The following PTPRN2 variants were observed in gnomAD, a reference collection of about 807,000 sequenced individuals.
The protein encoded by PTPRN2 is protein tyrosine phosphatase receptor type N2.
Under a neutral mutation model 118.8 loss-of-function variants are expected in PTPRN2, and 74 were observed. That is an observed-to-expected ratio of 0.62 (90% CI 0.52 to 0.76). PTPRN2 has a LOEUF of 0.76. Among genes scored for constraint, PTPRN2 ranks in the 30% least tolerant of loss-of-function variants. The pLI is 0.00. For missense variants in PTPRN2, 1,481 were observed against 1,394.4 expected, an observed-to-expected ratio of 1.06 and a Z score of -0.99; for synonymous variants, 641 against 608.0, an observed-to-expected ratio of 1.05 and a Z score of -0.80.
chr7:157,662,914 C>T (rs373243344), intron 13 of PTPRN2, among the ~76,000 whole-genome samples: 15 of 152,234 alleles, frequency 9.9e-5, no homozygotes, highest in African/African-American at 3.6e-4. Context: ...TTGCATCCAC[C>T]GCCCACCTAA....
rs186804754 is a variant in PTPRN2 at position 158,105,629 on chromosome 7, T to C, written c.1643+5200A>G. 6.6e-5 allele frequency among the ~76,000 whole-genome samples: 10 copies of C among 151,502 alleles called. No homozygotes were observed. In the East Asian group the frequency reaches 1.6e-3, roughly 24 times the overall value. On this transcript the variant is annotated intron_variant, in intron 10 of 22. Transcript: ENST00000389418. ...CCATCCCAAGCTGAACCAAGCTCCA[T>C]AGACTTCCATCCAGATTCATCAACT...
intron 12 of PTPRN2, among the ~76,000 whole-genome samples, chr7:157,852,004 A>G (rs1809312426): frequency 6.6e-6 from 1 of 152,216 alleles, no homozygotes; most frequent in Non-Finnish European, 1.5e-5. Context: ...CGCTCAGAAG[A>G]AAAAACCTCT....
intron 5 of PTPRN2, among the ~76,000 whole-genome samples, chr7:158,174,402 C>T (rs1391160424): frequency 6.6e-6 from 1 of 152,092 alleles, no homozygotes; most frequent in Non-Finnish European, 1.5e-5. Context: ...TCACCATCCA[C>T]AGCAGCATCC....
At chr7:158,444,556 T>C (rs1487925121) in intron 2 of PTPRN2, among the ~76,000 whole-genome samples, 1 of 152,176 alleles carries the variant, frequency 6.6e-6, no homozygotes, top group Non-Finnish European at 1.5e-5. Context: ...GCCAAAACCC[T>C]GTTAGAGCAG....
chr7:158,336,726 A>G (rs1294861427), intron 2 of PTPRN2, among the ~76,000 whole-genome samples: 191 of 124,994 alleles, frequency 1.5e-3, no homozygotes, highest in African/African-American at 5.5e-3. Flanking sequence ...TCACCAAAAG[A>G]GCTGACGCCC....
intron 12 of PTPRN2, among the ~76,000 whole-genome samples, chr7:157,771,736 CAG>C (rs1802821889): frequency 2.6e-5 from 4 of 151,758 alleles, no homozygotes; most frequent in South Asian, 4.2e-4. Flanking sequence ...GACGCACAAA[CAG>C]ACGCAGATAC....
intron 1 of PTPRN2, among the ~76,000 whole-genome samples, chr7:158,575,979 T>C (rs983388339): frequency 6.6e-6 from 1 of 152,224 alleles, no homozygotes; most frequent in African/African-American, 2.4e-5. Context: ...CTTTTTCAAG[T>C]GATCAAAATG....
At chr7:157,616,202 T>C (rs1462992611) in intron 15 of PTPRN2, 1 of 154,144 alleles carries the variant, frequency 6.5e-6, no homozygotes, top group Non-Finnish European at 1.4e-5. Context: ...CTTACCAACC[T>C]ATCGGTTCAG....
Position 157,762,759 on chromosome 7 carries a change from AGAAAAAAG to A in PTPRN2, c.1789-79830_1789-79823del, listed in dbSNP as rs1802216914. Among the ~76,000 whole-genome samples the A allele has an allele frequency of 3.3e-5, 5 of 149,978 alleles. No homozygotes were observed. The East Asian group carries it at 8.6e-4, about 26-fold the overall frequency. ...TAAAGTATAATAATAAAAAAAAAAG[AGAAAAAAG>A]AAAAAACTTTTCAGAGCCAAAGGAG... On this transcript the variant is annotated intron_variant, in intron 12 of 22. Transcript: ENST00000389418.
intron 1 of PTPRN2, among the ~76,000 whole-genome samples, chr7:158,540,931 A>G: frequency 6.6e-6 from 1 of 152,248 alleles, no homozygotes; most frequent in East Asian, 1.9e-4. Flanking sequence ...CCAAGCACAC[A>G]GGTGCTGCCC....
intron 21 of PTPRN2, among the ~76,000 whole-genome samples, chr7:157,564,870 T>C (rs1799403306): frequency 6.6e-6 from 1 of 152,162 alleles, no homozygotes; most frequent in East Asian, 1.9e-4. Context: ...CACAGCAGGA[T>C]TACTCACAAC....
intron 3 of PTPRN2, among the ~76,000 whole-genome samples, chr7:158,295,780 C>G (rs544540885): frequency 9.6e-6 from 1 of 104,688 alleles, no homozygotes. Flanking sequence ...TCCATCCGCA[C>G]GGTTCACCCG....
At position 157,982,939 on chromosome 7, in the gene PTPRN2, C is replaced by T. The variant is rs182567148; in HGVS notation, c.1724-84202G>A. On this transcript the variant is annotated intron_variant, in intron 11 of 22. Transcript: ENST00000389418. ...AGAGTACCAGGTTCCCCCCAAACCC[C>T]GAGTCACAGAGACGAGGAGGGGAAT... Among the ~76,000 whole-genome samples, 86 of 132,418 alleles carry T rather than the reference C, an allele frequency of 6.5e-4. 1 individual carries two copies. The highest frequency in any genetic ancestry group is 5.9e-3 in the South Asian group (19 of 3,240). The allele number at this position is 132,418 out of a possible 152,430, so 86.9% of individuals were successfully genotyped here.
intron 2 of PTPRN2, among the ~76,000 whole-genome samples, chr7:158,331,309 C>T (rs373690398): frequency 7.0e-6 from 1 of 141,864 alleles, no homozygotes; most frequent in African/African-American, 2.6e-5. Flanking sequence ...ACACTCTCAC[C>T]ATAAGAGCTG....
chr7:158,049,389 C>G (rs1330416302), intron 11 of PTPRN2, among the ~76,000 whole-genome samples: 3 of 152,240 alleles, frequency 2.0e-5, no homozygotes, highest in African/African-American at 7.2e-5. Flanking sequence ...AACTCCGACA[C>G]TACATGCTCT....
At chr7:157,751,449 G>A (rs1049115737) in intron 12 of PTPRN2, among the ~76,000 whole-genome samples, 3 of 152,232 alleles carry the variant, frequency 2.0e-5, no homozygotes, top group African/African-American at 7.2e-5. Context: ...TCAAGAGGCT[G>A]AGCGTGTGCA....
chr7:157,739,841 G>A (rs1006074510), intron 12 of PTPRN2, among the ~76,000 whole-genome samples: 11 of 152,230 alleles, frequency 7.2e-5, no homozygotes, highest in Admixed American at 4.6e-4. Context: ...ACCGCAAGGA[G>A]GCCTGAGCTC....
intron 13 of PTPRN2, among the ~76,000 whole-genome samples, chr7:157,656,880 T>G (rs990657726): frequency 8.7e-6 from 1 of 115,116 alleles, no homozygotes; most frequent in Non-Finnish European, 1.8e-5. Flanking sequence ...TATACACACA[T>G]ACACCACACA....
chr7:157,807,999 G>A (rs1040901191), intron 12 of PTPRN2, among the ~76,000 whole-genome samples: 6 of 152,234 alleles, frequency 3.9e-5, no homozygotes, highest in Non-Finnish European at 8.8e-5. Flanking sequence ...TGGCTAGTGA[G>A]CAGCAGAGCT....
Sources: gnomAD v4.1 joint callset for allele counts (sites outside exome capture counted in the v4.1 genomes callset) on GRCh38, gnomAD v4.1.1 for gene constraint, MANE v1.5 for transcripts, NCBI Gene and HGNC (gene_info 2026-07-23, HGNC 2026-07-21) for gene names.